TRPV2: variants seen among roughly 807,000 people sequenced by gnomAD.
TRPV2 encodes transient receptor potential cation channel subfamily V member 2.
In TRPV2, 58 loss-of-function variants were observed where a neutral mutation model predicts 91.0. That is an observed-to-expected ratio of 0.64 (90% CI 0.52 to 0.79). The LOEUF is 0.79. TRPV2 is among the 30% of genes least tolerant of loss of function. The probability of loss-of-function intolerance (pLI) is 0.00; values close to 1 mark genes in which losing one functional copy is unlikely to be tolerated. For missense variants in TRPV2, 807 were observed against 969.6 expected (o/e 0.83, Z 2.23); for synonymous variants, 417 against 414.8 (o/e 1.01, Z -0.06).
chr17:16,420,376 T>C, intron 3 of TRPV2, 128 bp downstream of exon 3: 1 of 1,204,630 alleles, frequency 8.3e-7, no homozygotes, highest in Middle Eastern at 2.3e-4. Flanking sequence ...ACTGGAAGGA[T>C]GGCTGGGGGG....
At chr17:16,425,979 G>A in intron 5 of TRPV2, 120 bp from the exon 6 acceptor site, 12 of 1,093,538 alleles carry the variant, frequency 1.1e-5, no homozygotes, top group Non-Finnish European at 1.6e-5. Flanking sequence ...GTACGTGCAC[G>A]TGTCAGCTGC....
In TRPV2 at chr17:16,422,839, G is replaced by A. The variant is rs199855622; in HGVS notation, c.575G>A (p.Arg192Gln). The A allele has an allele frequency of 1.4e-5, 22 of 1,573,222 alleles. No individual in the cohort carries two copies. The East Asian group carries it at 2.8e-4, about 20-fold the overall frequency. The change falls in exon 4 of 15, where the codon CGG becomes CAG. Residue 192 changes from arginine (R) to glutamine (Q), a missense_variant. By Grantham distance (43) the Arg-to-Gln change is conservative. Transcript: ENST00000338560. ...GAGAATGGGGCCAATGTGCATGCCC[G>A]GGCCTGCGGCCGCTTCTTCCAGAAG... The part of the protein sequence containing the change: ...LVENGANVHA[R>Q]ACGRFFQKGQ...
chr17:16,428,574 T>C, intron 9 of TRPV2, 187 bp downstream of exon 9: 2 of 726,440 alleles, frequency 2.8e-6, no homozygotes, highest in South Asian at 1.8e-5. Context: ...CTCCCATCAC[T>C]GTAGATGGTG....
chr17:16,417,660 C>T lies in TRPV2; in HGVS notation c.-9C>T, dbSNP rs1471610926. The T allele has an allele frequency of 6.2e-7, 1 of 1,613,416 alleles. No individual in the cohort carries two copies. The highest frequency in any genetic ancestry group is 1.7e-5 in the Admixed American group (1 of 60,000). On this transcript the variant is annotated 5_prime_UTR_variant, in exon 2 of 15. Transcript: ENST00000338560. ...TCCTGGCTGGACCGAGCAGCCTCCT[C>T]CTCCTAGGATGACCTCACCCTCCAG...
At position 16,427,500 on chromosome 17, in the gene TRPV2, G is replaced by A. The variant is rs2093389078; in HGVS notation, c.1303G>A (p.Gly435Ser). Residue 435 changes from glycine (G) to serine (S), a missense_variant, in exon 8 of 15, where the codon GGC becomes AGC. Gly to Ser is a moderately conservative substitution (Grantham distance 56, BLOSUM62 0). Coordinates refer to ENST00000338560, the MANE Select transcript of TRPV2 (RefSeq NM_016113.5). ...AEVGNSMLLTGHILILLGGIY... is the reference protein window; with the variant it reads ...AEVGNSMLLTSHILILLGGIY... The stretch of plus-strand genomic sequence containing the variant: ...GGTTGGAAACTCCATGCTGCTGACG[G>A]GCCACATCCTTATCCTGCTAGGGGG... 11 of 1,613,822 alleles carry A rather than the reference G, an allele frequency of 6.8e-6. No homozygotes were observed. The highest frequency in any genetic ancestry group is 9.3e-6 in the Non-Finnish European group (11 of 1,179,788).
chr17:16,420,357 A>G (rs2093351137), intron 3 of TRPV2, 109 bp downstream of exon 3: 1 of 1,332,144 alleles, frequency 7.5e-7, no homozygotes, highest in Non-Finnish European at 1.0e-6. Context: ...TGTTCTCAGC[A>G]GCCCTCCCAC....
chr17:16,433,480 G>A, intron 12 of TRPV2, 94 bp from the exon 13 acceptor site: 2 of 1,530,290 alleles, frequency 1.3e-6, no homozygotes, highest in South Asian at 1.2e-5. Flanking sequence ...ACTGTGAAGT[G>A]CTGCGCGGCA....
chr17:16,424,297 A>G (rs2093372678), intron 5 of TRPV2, among the ~76,000 whole-genome samples: 1 of 152,036 alleles, frequency 6.6e-6, no homozygotes, highest in African/African-American at 2.4e-5. Context: ...AGCTGGGATT[A>G]CAGGCACCCA....
At chr17:16,419,675 C>A (rs376133618) in intron 2 of TRPV2, among the ~76,000 whole-genome samples, 2 of 152,342 alleles carry the variant, frequency 1.3e-5, no homozygotes, top group East Asian at 3.9e-4. Flanking sequence ...TGCATACTTT[C>A]TTTGAAGGCA....
At chr17:16,429,699 C>G (rs540038771) in intron 10 of TRPV2, among the ~76,000 whole-genome samples, 325 of 151,952 alleles carry the variant, frequency 2.1e-3, no homozygotes, top group African/African-American at 7.6e-3. Flanking sequence ...GCTTGGGGTG[C>G]TTGGGACAGG....
chr17:16,433,004 C>T (rs1011859873), intron 12 of TRPV2, among the ~76,000 whole-genome samples: 6 of 152,098 alleles, frequency 3.9e-5, no homozygotes, highest in African/African-American at 1.4e-4. Context: ...AAGGTTTCAC[C>T]ATGTTGGTCA....
In TRPV2 at chr17:16,435,062, G is replaced by A; in HGVS notation, c.2194+93G>A. The stretch of plus-strand genomic sequence containing the variant: ...TGGAGAGTCTGGGGCAGGACCCAGA[G>A]ACCTCCTCATAGTCCCTTTGCAGAT... On this transcript the variant is annotated intron_variant, in intron 14 of 14. Coordinates refer to ENST00000338560, the MANE Select transcript of TRPV2 (RefSeq NM_016113.5). This position sits in a 1 kb window ranked among gnomAD's most constrained non-coding sequence, Gnocchi z 4.2. The A allele has an allele frequency of 9.7e-7, 1 of 1,031,922 alleles. No individual in the cohort carries two copies. The highest frequency in any genetic ancestry group is 1.7e-5 in the South Asian group (1 of 58,340). 63.9% of individuals were successfully genotyped at this position (1,031,922 alleles called of 1,614,324 possible). A position where few individuals can be genotyped will look rare whatever the true frequency, so the allele number is the denominator to read the frequency against.
At chr17:16,419,818 T>C (rs2093347929) in intron 2 of TRPV2, among the ~76,000 whole-genome samples, 1 of 152,162 alleles carries the variant, frequency 6.6e-6, no homozygotes, top group African/African-American at 2.4e-5. Flanking sequence ...TGTTGAGAGA[T>C]GGTACATCAA....
chr17:16,432,853 TGG>T (rs1309692905), intron 12 of TRPV2, among the ~76,000 whole-genome samples: 1 of 151,566 alleles, frequency 6.6e-6, no homozygotes, highest in Non-Finnish European at 1.5e-5. Flanking sequence ...TTGCCCGGGC[TGG>T]AGTGCAATGG....
At chr17:16,433,460 T>C (rs1463014850) in intron 12 of TRPV2, 114 bp from the exon 13 acceptor site, 4 of 1,453,798 alleles carry the variant, frequency 2.8e-6, no homozygotes, top group African/African-American at 1.4e-5. Flanking sequence ...TTTAGTTGAC[T>C]TCGCGTTATA....
rs2093390007 is a variant in TRPV2, at chr17:16,427,627, C to A, written c.1350+80C>A. 8.9e-6 allele frequency: 12 copies of A among 1,354,928 alleles called. No homozygotes were observed. The Middle Eastern group carries it at 7.4e-4, about 83-fold the overall frequency. 83.9% of individuals were successfully genotyped at this position (1,354,928 alleles called of 1,614,324 possible). ...GGGGCTTAGAGAAAGTTAGCTGCAT[C>A]CCCTCACTGACAATACCCAGTCCCA... On this transcript the variant is annotated intron_variant, in intron 8 of 14. Transcript: ENST00000338560.
Position 16,426,319 on chromosome 17 carries a change from A to G in TRPV2, c.1095+50A>G. 6.2e-7 allele frequency: 1 copy of G among 1,600,412 alleles called. No homozygotes were observed. Among genetic ancestry groups the G allele is most frequent in the Non-Finnish European group, 8.5e-7 (1 of 1,171,404 alleles). ...ACGCAGAGGACCCAGCAGAGTTTCC[A>G]GCAAGGTCCACAAATTGGGGCTGCC... is the stretch of plus-strand genomic sequence containing the variant. On this transcript the variant is annotated intron_variant, in intron 6 of 14. Transcript: ENST00000338560. This position sits in a 1 kb window ranked among gnomAD's most constrained non-coding sequence, Gnocchi z 6.0.
chr17:16,426,890 G>A lies in TRPV2; in HGVS notation c.1251+13G>A. 1 of 1,608,974 alleles carries A rather than the reference G, an allele frequency of 6.2e-7. No homozygotes were observed. The highest frequency in any genetic ancestry group is 8.5e-7 in the Non-Finnish European group (1 of 1,177,706). On this transcript the variant is annotated intron_variant, in intron 7 of 14. Coordinates refer to ENST00000338560, the MANE Select transcript of TRPV2 (RefSeq NM_016113.5). The surrounding 1 kb of genome is among the most constrained non-coding windows in gnomAD (Gnocchi z 6.0). ...TACCCTGAAGAAGGCAAGGGCGTGA[G>A]GTTTGGGGGGGCACATCTTGGGGGA...
Position 16,426,946 on chromosome 17 carries a change from G to A in TRPV2, c.1251+69G>A. The A allele has an allele frequency of 6.4e-7, 1 of 1,552,718 alleles. No homozygotes were observed. On this transcript the variant is annotated intron_variant, in intron 7 of 14. Transcript: ENST00000338560. This position sits in a 1 kb window ranked among gnomAD's most constrained non-coding sequence, Gnocchi z 6.0. Reference sequence around the variant, plus strand: ...GCTTGAAACAACCCTGGGGGAAGATGGGGCAGTAATAGTGCTGAGGCATGG... The same window carrying A: ...GCTTGAAACAACCCTGGGGGAAGATAGGGCAGTAATAGTGCTGAGGCATGG...
Sources: allele counts gnomAD v4.1 joint callset (sites outside exome capture counted in the v4.1 genomes callset), GRCh38; gene constraint gnomAD v4.1.1; non-coding constraint Gnocchi (gnomAD v3.1); transcripts MANE v1.5; gene names NCBI Gene and HGNC (gene_info 2026-07-23, HGNC 2026-07-21).